CRYL1: variants seen among roughly 807,000 people sequenced by gnomAD.
CRYL1 encodes crystallin lambda 1.
Under a neutral mutation model 36.6 loss-of-function variants are expected in CRYL1, and 29 were observed. That is an observed-to-expected ratio of 0.79 (90% CI 0.59 to 1.08). CRYL1 has a LOEUF of 1.08. CRYL1 is among the 50% of genes least tolerant of loss of function. CRYL1 has a pLI of 0.00. For missense variants in CRYL1, 411 were observed against 407.9 expected, an observed-to-expected ratio of 1.01 and a Z score of -0.06; for synonymous variants, 152 against 151.5, an observed-to-expected ratio of 1.00 and a Z score of -0.02.
intron 3 of CRYL1, among the ~76,000 whole-genome samples, chr13:20,471,244 G>A (rs1214434135): frequency 1.3e-5 from 2 of 152,112 alleles, no homozygotes; most frequent in Non-Finnish European, 2.9e-5. Context: ...TCACTTTGAT[G>A]ACAACTGTGT....
intron 3 of CRYL1, among the ~76,000 whole-genome samples, chr13:20,469,071 T>C (rs2033002153): frequency 6.6e-6 from 1 of 152,202 alleles, no homozygotes; most frequent in Non-Finnish European, 1.5e-5. Flanking sequence ...CAGCAGTTTC[T>C]CAGGAAGTGT....
chr13:20,420,701 T>TTTTTTTTTTTTTTTTTGTGTGTG lies in CRYL1; in HGVS notation c.634-7315_634-7314insCACACACAAAAAAAAAAAAAAAA. 5.9e-4 allele frequency among the ~76,000 whole-genome samples: 13 copies of TTTTTTTTTTTTTTTTTGTGTGTG among 21,874 alleles called. 2 individuals are homozygous for TTTTTTTTTTTTTTTTTGTGTGTG. Among genetic ancestry groups the TTTTTTTTTTTTTTTTTGTGTGTG allele is most frequent in the Non-Finnish European group, 9.6e-4 (7 of 7,322 alleles). The allele number at this position is 21,874 out of a possible 152,430, so 14.4% of individuals were successfully genotyped here. ...CTTTGACTTTTCTTTAAAATAGAGG[T>TTTTTTTTTTTTTTTTTGTGTGTG]TGTGTGTGTGTGTGTGTGTGTGTGT... On this transcript the variant is annotated intron_variant, in intron 5 of 7. Transcript: ENST00000298248.
At chr13:20,476,772 C>T (rs1255500475) in intron 3 of CRYL1, 1 of 152,368 alleles carries the variant, frequency 6.6e-6, no homozygotes, top group Non-Finnish European at 1.5e-5. Flanking sequence ...GCCTGCAATT[C>T]CAGCACTTTG....
At chr13:20,413,223 A>G in intron 6 of CRYL1, 59 bp downstream of exon 6, 1 of 1,233,348 alleles carries the variant, frequency 8.1e-7, no homozygotes, top group South Asian at 1.3e-5. Context: ...GTGACTGTTT[A>G]CAAAACCCAT....
intron 5 of CRYL1, chr13:20,430,928 A>G: frequency 1.0e-6 from 1 of 985,438 alleles, no homozygotes. Flanking sequence ...TCAAGAAATT[A>G]CTAAGAAATT....
chr13:20,413,274 A>G lies in CRYL1; in HGVS notation c.739+8T>C, dbSNP rs764072891. 9.4e-5 allele frequency: 148 copies of G among 1,574,474 alleles called. No homozygotes were observed. The highest frequency in any genetic ancestry group is 1.3e-4 in the Non-Finnish European group (144 of 1,147,128). On this transcript the variant is annotated splice_region_variant and intron_variant, in intron 6 of 7. Coordinates refer to ENST00000298248, the MANE Select transcript of CRYL1 (RefSeq NM_015974.3). ...AATGGAATTCCCATCCTGGCCCCAG[A>G]TGCATACCTTCTGCATTGAGATGCA...
chr13:20,439,514 C>CCAAAAAAAAAAA, intron 4 of CRYL1, 79 bp downstream of exon 4: 1 of 330,904 alleles, frequency 3.0e-6, no homozygotes. Flanking sequence ...CCCTCCCCCG[C>CCAAAAAAAAAAA]AAAAAAAAAA....
Position 20,403,679 on chromosome 13 carries a change from A to G in CRYL1, c.*450T>C, listed in dbSNP as rs2031285452. ...AAAAGAGAAAAGATGTCTTTAAGGA[A>G]TCAAAAACTTTTATTCAGAATAAGC... On this transcript the variant is annotated 3_prime_UTR_variant, in exon 8 of 8. Coordinates refer to ENST00000298248, the MANE Select transcript of CRYL1 (RefSeq NM_015974.3). 1 of 152,712 alleles carries G rather than the reference A, an allele frequency of 6.5e-6. No individual in the cohort carries two copies. Among genetic ancestry groups the G allele is most frequent in the African/African-American group, 2.4e-5 (1 of 41,462 alleles). 9.5% of individuals were successfully genotyped at this position (152,712 alleles called of 1,614,324 possible). A position where few individuals can be genotyped will look rare whatever the true frequency, so the allele number is the denominator to read the frequency against.
At chr13:20,444,295 G>T (rs953526208) in intron 3 of CRYL1, among the ~76,000 whole-genome samples, 1 of 152,088 alleles carries the variant, frequency 6.6e-6, no homozygotes, top group Non-Finnish European at 1.5e-5. Flanking sequence ...TTAAATAAAA[G>T]CATATTACCA....
intron 3 of CRYL1, among the ~76,000 whole-genome samples, chr13:20,461,445 C>CT (rs1269095122): frequency 5.3e-5 from 8 of 152,156 alleles, no homozygotes; most frequent in Non-Finnish European, 2.9e-5. Context: ...TCTGTGTTTA[C>CT]TTTTTTCATG....
At chr13:20,480,282 G>T (rs930700812) in intron 3 of CRYL1, among the ~76,000 whole-genome samples, 10 of 151,970 alleles carry the variant, frequency 6.6e-5, no homozygotes, top group African/African-American at 2.4e-4. Flanking sequence ...TTGGGAGGCT[G>T]AGGCAGGAGA....
chr13:20,457,785 G>T (rs1488233182), intron 3 of CRYL1, among the ~76,000 whole-genome samples: 1 of 152,202 alleles, frequency 6.6e-6, no homozygotes, highest in Non-Finnish European at 1.5e-5. Flanking sequence ...ACCAGGCCCT[G>T]CTCCAAGTGC....
chr13:20,453,772 A>C (rs1287846924), intron 3 of CRYL1, among the ~76,000 whole-genome samples: 1 of 152,172 alleles, frequency 6.6e-6, no homozygotes, highest in Non-Finnish European at 1.5e-5. Context: ...ACTGACCAAT[A>C]AAAAGAGAGA....
At chr13:20,412,721 A>C (rs1565955562) in intron 6 of CRYL1, among the ~76,000 whole-genome samples, 1 of 152,106 alleles carries the variant, frequency 6.6e-6, no homozygotes, top group African/African-American at 2.4e-5. Flanking sequence ...ATGGGCTCAG[A>C]CCTAATTCCC....
Position 20,525,665 on chromosome 13 carries a change from C to T in CRYL1, c.41+89G>A. The T allele has an allele frequency of 2.8e-6, 3 of 1,086,796 alleles. No individual in the cohort carries two copies. Among genetic ancestry groups the T allele is most frequent in the South Asian group, 6.0e-5 (2 of 33,338 alleles). The allele number at this position is 1,086,796 out of a possible 1,614,324, so 67.3% of individuals were successfully genotyped here. ...GGCCGGGGCGGGGACAGCGACCCGG[C>T]GCCCACCCCGAGGGCCCCACGCGAG... On this transcript the variant is annotated intron_variant, in intron 1 of 7. Coordinates refer to ENST00000298248, the MANE Select transcript of CRYL1 (RefSeq NM_015974.3). This position sits in a 1 kb window ranked among gnomAD's most constrained non-coding sequence, Gnocchi z 4.3.
At position 20,427,249 on chromosome 13, in the gene CRYL1, A is replaced by G. The variant is rs1035970692; in HGVS notation, c.633+4853T>C. 6 of 985,356 alleles carry G rather than the reference A, an allele frequency of 6.1e-6. No homozygotes were observed. In the African/African-American group the frequency reaches 1.0e-4, roughly 17 times the overall value. 61.0% of individuals were successfully genotyped at this position (985,356 alleles called of 1,614,324 possible). Reference sequence around the variant, plus strand: ...AAGTGTCAGTAGATTGTGGCCAGACATGTCCATCTGGCATTTCCAAGACCA... The same window carrying G: ...AAGTGTCAGTAGATTGTGGCCAGACGTGTCCATCTGGCATTTCCAAGACCA... On this transcript the variant is annotated intron_variant, in intron 5 of 7. Coordinates refer to ENST00000298248, the MANE Select transcript of CRYL1 (RefSeq NM_015974.3).
At chr13:20,451,061 G>C (rs1315723518) in intron 3 of CRYL1, among the ~76,000 whole-genome samples, 1 of 143,128 alleles carries the variant, frequency 7.0e-6, no homozygotes, top group Admixed American at 7.1e-5. Context: ...GGCCTGTCGA[G>C]GGGTGGGGGG....
intron 2 of CRYL1, among the ~76,000 whole-genome samples, chr13:20,511,439 T>G (rs1167672935): frequency 6.6e-6 from 1 of 152,146 alleles, no homozygotes; most frequent in Non-Finnish European, 1.5e-5. Flanking sequence ...ATTGACTATT[T>G]GTAACAACAT....
In CRYL1 at chr13:20,404,553, ACCCGCT is replaced by A. The variant is rs1254668358; in HGVS notation, c.846+76_846+81del. 3.9e-4 allele frequency: 334 copies of A among 862,928 alleles called. 3 individuals carry two copies. The East Asian group carries it at 7.6e-3, about 20-fold the overall frequency. The allele number at this position is 862,928 out of a possible 1,614,324, so 53.5% of individuals were successfully genotyped here. ...AGATTCCAGCTGCAGAGGCAGGCCC[ACCCGCT>A]GCAGAGGTGAGGGGCAGCAAGTGCT... On this transcript the variant is annotated intron_variant, in intron 7 of 7. Transcript: ENST00000298248.
Sources: allele counts gnomAD v4.1 joint callset (sites outside exome capture counted in the v4.1 genomes callset), GRCh38; gene constraint gnomAD v4.1.1; non-coding constraint Gnocchi (gnomAD v3.1); transcripts MANE v1.5; gene names NCBI Gene and HGNC (gene_info 2026-07-23, HGNC 2026-07-21).